PCDHA2: variants seen among roughly 807,000 people sequenced by gnomAD.
PCDHA2 encodes protocadherin alpha-2.
Under a neutral mutation model 66.0 loss-of-function variants are expected in PCDHA2, and 58 were observed. That is an observed-to-expected ratio of 0.88 (90% confidence interval 0.71 to 1.09). The LOEUF (loss-of-function observed/expected upper bound fraction) is 1.09, where lower values mean the gene tolerates loss of function less well. PCDHA2 is among the 50% of genes least tolerant of loss of function. The pLI is 0.00. For synonymous variants in PCDHA2, 634 were observed against 554.0 expected (o/e 1.14, Z -2.03); for missense variants, 1,267 against 1,242.3 (o/e 1.02, Z -0.30).
chr5:140,932,700 AT>A (rs2088549755), intron 1 of PCDHA2, among the ~76,000 whole-genome samples: 1 of 151,992 alleles, frequency 6.6e-6, no homozygotes, highest in Non-Finnish European at 1.5e-5. Context: ...AAAAACTCAT[AT>A]AGACAACACA....
rs782030896 is a variant in PCDHA2, at chr5:140,857,680, G to C, written c.2388+60328G>C. ...CGCGCGATGGGGGCGTGCCGCCTCT[G>C]GGCAGCAACTTGACGCTGCAGGTGT... On this transcript the variant is annotated intron_variant, in intron 1 of 3. Coordinates refer to ENST00000526136, the MANE Select transcript of PCDHA2 (RefSeq NM_018905.3). 20 of 1,597,122 alleles carry C rather than the reference G, an allele frequency of 1.3e-5. 2 individuals are homozygous for C. Among genetic ancestry groups the C allele is most frequent in the South Asian group, 2.2e-5 (2 of 90,508 alleles).
In PCDHA2 at chr5:140,883,718, G is replaced by A. The variant is rs376943163; in HGVS notation, c.2388+86366G>A. 7 of 1,613,642 alleles carry A rather than the reference G, an allele frequency of 4.3e-6. No homozygotes were observed. The South Asian group carries it at 6.6e-5, about 15-fold the overall frequency. ...CACGGTGTCTGCTCAGGACGCGGAC[G>A]CACAGGAGAACGCGCTGGTCTCCTA... On this transcript the variant is annotated intron_variant, in intron 1 of 3. Transcript: ENST00000526136.
At chr5:140,861,543 C>G (rs1554154929) in intron 1 of PCDHA2, 2 of 424,418 alleles carry the variant, frequency 4.7e-6, no homozygotes, top group East Asian at 7.1e-5. Flanking sequence ...CAGCATCCAC[C>G]TGGAAGTGAT....
chr5:140,926,659 C>T, intron 1 of PCDHA2: 1 of 531,904 alleles, frequency 1.9e-6, no homozygotes, highest in Non-Finnish European at 3.0e-6. Context: ...CTCCGCTTTC[C>T]CAGACGGCTG....
chr5:140,870,658 C>G, intron 1 of PCDHA2: 3 of 1,612,534 alleles, frequency 1.9e-6, no homozygotes, highest in Non-Finnish European at 2.5e-6. Context: ...GGTGTACGCG[C>G]TGCAGCCGTT....
chr5:140,820,206 A>G (rs2150106272), intron 1 of PCDHA2, among the ~76,000 whole-genome samples: 45 of 152,132 alleles, frequency 3.0e-4, no homozygotes, highest in Middle Eastern at 6.8e-3. Flanking sequence ...TCAACGATCC[A>G]AATATTAGTG....
intron 1 of PCDHA2, among the ~76,000 whole-genome samples, chr5:140,971,359 G>T (rs537725732): frequency 6.6e-5 from 10 of 152,312 alleles, no homozygotes; most frequent in Admixed American, 3.3e-4. Flanking sequence ...GGGAGATTTT[G>T]CCAGGAGAGT....
rs17119229 is a variant in PCDHA2, at chr5:140,842,497, T to C, written c.2388+45145T>C. ...AGGTGACCTGCTCCCTGATGCCCCA[T>C]GTCCCCTTCAAGCTGGTGTCCACCT... is the stretch of plus-strand genomic sequence containing the variant. On this transcript the variant is annotated intron_variant, in intron 1 of 3. Transcript: ENST00000526136. 27 of 1,613,862 alleles carry C rather than the reference T, an allele frequency of 1.7e-5. No homozygotes were observed. The South Asian group carries it at 1.8e-4, about 11-fold the overall frequency.
At chr5:140,999,159 G>A (rs1056236953) in intron 3 of PCDHA2, among the ~76,000 whole-genome samples, 2 of 152,182 alleles carry the variant, frequency 1.3e-5, no homozygotes, top group African/African-American at 2.4e-5. Flanking sequence ...CAGTCCCCTA[G>A]AAGGAAAAGA....
intron 1 of PCDHA2, chr5:140,807,658 C>G (rs782754560): frequency 8.7e-6 from 14 of 1,614,204 alleles, no homozygotes; most frequent in East Asian, 2.2e-5. Context: ...TAGAGGGCGC[C>G]TCGGATGCAG....
chr5:140,829,430 G>T, intron 1 of PCDHA2: 1 of 1,614,092 alleles, frequency 6.2e-7, no homozygotes, highest in Non-Finnish European at 8.5e-7. Flanking sequence ...GGAGGTGGCC[G>T]ACATGAATGA....
intron 1 of PCDHA2, among the ~76,000 whole-genome samples, chr5:140,934,783 A>C (rs2090034582): frequency 6.6e-6 from 1 of 152,180 alleles, no homozygotes; most frequent in Non-Finnish European, 1.5e-5. Context: ...GGCCCAATCC[A>C]TGTCAATTAT....
At chr5:140,832,847 C>T (rs1022397491) in intron 1 of PCDHA2, among the ~76,000 whole-genome samples, 2 of 151,966 alleles carry the variant, frequency 1.3e-5, no homozygotes, top group African/African-American at 4.8e-5. Flanking sequence ...TGAAGGAGAC[C>T]GTGAAGAGTC....
intron 1 of PCDHA2, among the ~76,000 whole-genome samples, chr5:140,887,198 G>T (rs1276345927): frequency 6.6e-6 from 1 of 151,492 alleles, no homozygotes; most frequent in Admixed American, 6.6e-5. Flanking sequence ...CCGGGTTCAC[G>T]CCATTCTCCT....
rs1167461963 is a variant in PCDHA2 at position 140,968,386 on chromosome 5, G to A, written c.2389-10563G>A. 2.5e-6 allele frequency: 4 copies of A among 1,613,910 alleles called. No homozygotes were observed. The African/African-American group carries it at 4.0e-5, about 16-fold the overall frequency. On this transcript the variant is annotated intron_variant, in intron 1 of 3. Transcript: ENST00000526136. ...ATGCTGTCAACTCCTTTGACTATGA[G>A]AAGTTTCGGGAGTTCTTTGTGACTG...
chr5:140,822,466 G>T (rs1554128658), intron 1 of PCDHA2: 1 of 1,613,560 alleles, frequency 6.2e-7, no homozygotes, highest in African/African-American at 1.3e-5. Flanking sequence ...GTTGATCAAT[G>T]TATTGGATGC....
intron 1 of PCDHA2, chr5:140,883,371 T>C (rs2059578130): frequency 1.2e-6 from 2 of 1,614,152 alleles, no homozygotes; most frequent in East Asian, 4.5e-5. Flanking sequence ...CCTAGCGCCA[T>C]TATTGCCCTA....
intron 1 of PCDHA2, chr5:140,841,784 G>A (rs1777488668): frequency 6.2e-7 from 1 of 1,613,812 alleles, no homozygotes; most frequent in African/African-American, 1.3e-5. Context: ...GTTTCCGCTA[G>A]AGGGCGCGTC....
chr5:140,853,659 A>T (rs1216918086), intron 1 of PCDHA2: 1 of 988,622 alleles, frequency 1.0e-6, no homozygotes, highest in African/African-American at 1.8e-5. Context: ...TGTTCCAGAC[A>T]AATTGGGGCC....
Sources: allele counts gnomAD v4.1 joint callset (sites outside exome capture counted in the v4.1 genomes callset), GRCh38; gene constraint gnomAD v4.1.1; transcripts MANE v1.5; gene names NCBI Gene and HGNC (gene_info 2026-07-23, HGNC 2026-07-21).